Variants in RBM33 observed in about 807,000 individuals in gnomAD.
The protein encoded by RBM33 is RNA binding motif protein 33, also known as RNA-binding protein 33.
In RBM33, 28 loss-of-function variants were observed where a neutral mutation model predicts 132.6. The observed-to-expected ratio is 0.21, with a 90% CI of 0.16 to 0.29. The LOEUF is 0.29. RBM33 is among the 10% of genes least tolerant of loss of function. RBM33 has a pLI of 1.00. For synonymous variants in RBM33, 634 were observed against 593.0 expected, an observed-to-expected ratio of 1.07 and a Z score of -1.01; for missense variants, 1,291 against 1,518.5, an observed-to-expected ratio of 0.85 and a Z score of 2.49.
intron 9 of RBM33, among the ~76,000 whole-genome samples, chr7:155,726,158 A>G (rs1800789415): frequency 6.6e-6 from 1 of 152,210 alleles, no homozygotes; most frequent in Non-Finnish European, 1.5e-5. Flanking sequence ...AAAGGAAAAC[A>G]TCTTGTAGAG....
intron 3 of RBM33, among the ~76,000 whole-genome samples, chr7:155,677,398 C>T (rs1289965547): frequency 3.3e-5 from 5 of 151,968 alleles, no homozygotes; most frequent in Non-Finnish European, 7.4e-5. Context: ...TTAGTAGAGT[C>T]AGGGTTTCAC....
chr7:155,691,296 C>T (rs1309920009), intron 5 of RBM33, among the ~76,000 whole-genome samples: 2 of 152,118 alleles, frequency 1.3e-5, no homozygotes, highest in Admixed American at 6.5e-5. Flanking sequence ...ACGTAGTTCT[C>T]GTGCCATGGT....
intron 3 of RBM33, 48 bp from the exon 4 acceptor site, chr7:155,678,560 C>A: frequency 8.2e-7 from 1 of 1,215,540 alleles, no homozygotes; most frequent in Non-Finnish European, 1.2e-6. Context: ...TTTAACAAGT[C>A]TTTTTATGGA....
intron 1 of RBM33, among the ~76,000 whole-genome samples, chr7:155,647,798 T>C (rs1585391077): frequency 6.6e-6 from 1 of 152,198 alleles, no homozygotes; most frequent in African/African-American, 2.4e-5. Context: ...TCCTTACTAA[T>C]AGCAGAGAGA....
chr7:155,760,037 C>A (rs1165950870), intron 14 of RBM33, among the ~76,000 whole-genome samples: 1 of 152,176 alleles, frequency 6.6e-6, no homozygotes, highest in Non-Finnish European at 1.5e-5. Context: ...GTGGCTGTAA[C>A]CTAGTATTCT....
rs866609073 is a variant in RBM33, at chr7:155,667,487, A to T, written c.122+2234A>T. 4.6e-5 allele frequency among the ~76,000 whole-genome samples: 7 copies of T among 152,058 alleles called. 1 individual carries two copies. Among genetic ancestry groups the T allele is most frequent in the Middle Eastern group, 6.3e-3 (2 of 316 alleles). On this transcript the variant is annotated intron_variant, in intron 2 of 17. Coordinates refer to ENST00000401878, the MANE Select transcript of RBM33 (RefSeq NM_053043.3). Reference sequence around the variant, plus strand: ...ATAATTTCCTTTATACCCCCAAAAGAATTTTTTGTTCTGATTCAAGATTCA... The same window carrying T: ...ATAATTTCCTTTATACCCCCAAAAGTATTTTTTGTTCTGATTCAAGATTCA...
intron 8 of RBM33, among the ~76,000 whole-genome samples, chr7:155,713,418 G>A (rs73167144): frequency 0.027 from 4,161 of 152,268 alleles, 73 homozygotes; most frequent in Middle Eastern, 0.037. Context: ...CACAGGAGGG[G>A]GAGGGGCAGG....
chr7:155,714,592 G>A (rs1800404631), intron 8 of RBM33, among the ~76,000 whole-genome samples: 1 of 152,178 alleles, frequency 6.6e-6, no homozygotes, highest in African/African-American at 2.4e-5. Context: ...TCTGGAAGCA[G>A]CAGTTAGATC....
intron 9 of RBM33, among the ~76,000 whole-genome samples, chr7:155,722,676 T>C (rs2116998147): frequency 6.6e-6 from 1 of 152,342 alleles, no homozygotes; most frequent in African/African-American, 2.4e-5. Flanking sequence ...ATGTCAACTG[T>C]TGGAATATTT....
chr7:155,720,245 T>C (rs1352378043), intron 9 of RBM33, among the ~76,000 whole-genome samples: 1 of 152,218 alleles, frequency 6.6e-6, no homozygotes, highest in Non-Finnish European at 1.5e-5. Context: ...AGCCCAGGTA[T>C]TTACCACGAT....
intron 5 of RBM33, among the ~76,000 whole-genome samples, chr7:155,699,840 C>T (rs978784588): frequency 1.3e-5 from 2 of 152,058 alleles, no homozygotes; most frequent in African/African-American, 4.8e-5. Flanking sequence ...TTCACTGTTA[C>T]TTCTATTAAG....
rs777483717 is a variant in RBM33 at position 155,644,934 on chromosome 7, C to T, written c.43+15C>T. The stretch of plus-strand genomic sequence containing the variant: ...AGGCGCCGGAGGTACGTGAGGCAGC[C>T]GGACTCTGGGGGCCAGGACCGCGCC... On this transcript the variant is annotated intron_variant, in intron 1 of 17. Coordinates refer to ENST00000401878, the MANE Select transcript of RBM33 (RefSeq NM_053043.3). 2 of 1,493,556 alleles carry T rather than the reference C, an allele frequency of 1.3e-6. No individual in the cohort carries two copies. The highest frequency in any genetic ancestry group is 1.2e-5 in the South Asian group (1 of 80,110). The allele number at this position is 1,493,556 out of a possible 1,614,324, so 92.5% of individuals were successfully genotyped here.
chr7:155,737,860 A>G (rs545910757), intron 10 of RBM33, among the ~76,000 whole-genome samples, 198 bp downstream of exon 10: 13 of 152,336 alleles, frequency 8.5e-5, no homozygotes, highest in African/African-American at 2.9e-4. Flanking sequence ...GGAACATCTC[A>G]TATAAAAGGG....
intron 16 of RBM33, among the ~76,000 whole-genome samples, chr7:155,771,462 A>G (rs1698248759): frequency 6.6e-6 from 1 of 152,218 alleles, no homozygotes; most frequent in Admixed American, 6.5e-5. Context: ...CTTGTTCATT[A>G]TGTTGAGTGA....
intron 1 of RBM33, among the ~76,000 whole-genome samples, chr7:155,664,241 A>ATGTGTGTG (rs1225756348): frequency 6.6e-6 from 1 of 151,056 alleles, no homozygotes; most frequent in African/African-American, 2.4e-5. Flanking sequence ...TTATATATAT[A>ATGTGTGTG]TATGTGTGTG....
intron 2 of RBM33, among the ~76,000 whole-genome samples, chr7:155,668,722 C>G (rs1253569404): frequency 3.3e-5 from 5 of 152,156 alleles, no homozygotes; most frequent in Non-Finnish European, 7.4e-5. Flanking sequence ...TACCAAGTTT[C>G]AAACTAAGAA....
At chr7:155,679,701 C>G (rs1799285045) in intron 4 of RBM33, among the ~76,000 whole-genome samples, 1 of 152,116 alleles carries the variant, frequency 6.6e-6, no homozygotes, top group African/African-American at 2.4e-5. Flanking sequence ...AGATAAATTT[C>G]CCAATTCCAT....
intron 9 of RBM33, among the ~76,000 whole-genome samples, chr7:155,735,180 A>G (rs1400374250): frequency 6.6e-6 from 1 of 152,220 alleles, no homozygotes; most frequent in African/African-American, 2.4e-5. Flanking sequence ...CTGGAGGAAT[A>G]CAATATTATT....
At chr7:155,663,482 G>A (rs1022939284) in intron 1 of RBM33, among the ~76,000 whole-genome samples, 2 of 152,004 alleles carry the variant, frequency 1.3e-5, no homozygotes, top group African/African-American at 2.4e-5. Context: ...GCGGGGAGGG[G>A]TGCCACACTT....
Sources: allele counts gnomAD v4.1 joint callset (sites outside exome capture counted in the v4.1 genomes callset), GRCh38; gene constraint gnomAD v4.1.1; transcripts MANE v1.5; gene names NCBI Gene and HGNC (gene_info 2026-07-23, HGNC 2026-07-21).